Variants in IGF2BP2 observed in about 807,000 individuals in gnomAD.
IGF2BP2 encodes the protein insulin like growth factor 2 mRNA binding protein 2, also known as insulin-like growth factor 2 mRNA-binding protein 2.
In IGF2BP2, 17 loss-of-function variants were observed where a neutral mutation model predicts 75.8. The observed-to-expected ratio is 0.22, with a 90% CI of 0.15 to 0.34. The LOEUF (loss-of-function observed/expected upper bound fraction) is 0.34. IGF2BP2 is among the 10% of genes least tolerant of loss of function. The pLI is 1.00. For missense variants in IGF2BP2, 516 were observed against 772.4 expected, an observed-to-expected ratio of 0.67 and a Z score of 3.93; for synonymous variants, 288 against 295.6, an observed-to-expected ratio of 0.97 and a Z score of 0.26.
intron 7 of IGF2BP2, among the ~76,000 whole-genome samples, chr3:185,679,366 T>A (rs997333621): frequency 2.0e-5 from 3 of 152,158 alleles, no homozygotes; most frequent in African/African-American, 4.8e-5. Flanking sequence ...TTCAATTGCA[T>A]AAAAAACTCT....
chr3:185,823,967 G>A (rs1741699868), intron 1 of IGF2BP2, among the ~76,000 whole-genome samples: 1 of 152,178 alleles, frequency 6.6e-6, no homozygotes, highest in African/African-American at 2.4e-5. Context: ...CCCCCACCGA[G>A]TTGAGACAGG....
intron 2 of IGF2BP2, among the ~76,000 whole-genome samples, chr3:185,793,691 G>A (rs1362272583): frequency 3.9e-5 from 6 of 152,076 alleles, no homozygotes; most frequent in South Asian, 2.1e-4. Flanking sequence ...GAACAGTTAC[G>A]GCCCATCCTG....
At chr3:185,793,538 A>G (rs1301239948) in intron 2 of IGF2BP2, among the ~76,000 whole-genome samples, 1 of 152,216 alleles carries the variant, frequency 6.6e-6, no homozygotes, top group Non-Finnish European at 1.5e-5. Flanking sequence ...ATGAGCCTAC[A>G]TGAAACCTCA....
intron 2 of IGF2BP2, among the ~76,000 whole-genome samples, chr3:185,701,207 G>A (rs1446976830): frequency 6.6e-6 from 1 of 151,784 alleles, no homozygotes; most frequent in Non-Finnish European, 1.5e-5. Context: ...TAAGATTAAA[G>A]GCATGAGCCA....
chr3:185,738,397 G>A (rs1292152342), intron 2 of IGF2BP2, among the ~76,000 whole-genome samples: 1 of 152,154 alleles, frequency 6.6e-6, no homozygotes. Flanking sequence ...GTCCTTCCTT[G>A]AGAACATGAA....
At chr3:185,770,692 A>G (rs1733755629) in intron 2 of IGF2BP2, among the ~76,000 whole-genome samples, 1 of 152,194 alleles carries the variant, frequency 6.6e-6, no homozygotes, top group Non-Finnish European at 1.5e-5. Flanking sequence ...CCCTCTAGGC[A>G]GTCACAGTCA....
chr3:185,665,320 A>AAGGAGCAGAAGGAGAAGG (rs1717207381), intron 10 of IGF2BP2, among the ~76,000 whole-genome samples: 1 of 50,114 alleles, frequency 2.0e-5, no homozygotes, highest in Non-Finnish European at 3.8e-5. Context: ...GCAGAAGGAG[A>AAGGAGCAGAAGGAGAAGG]AGGAGGAGGA....
Position 185,672,720 on chromosome 3 carries a change from C to T in IGF2BP2, c.1072-51G>A, listed in dbSNP as rs377734346. On this transcript the variant is annotated intron_variant, in intron 9 of 15. Transcript: ENST00000382199. ...ATGAAGGGAGGAGACCAGAGAGGCC[C>T]GCACGCCTGGGTCAACCTCCCTCTC... 24 of 1,608,226 alleles carry T rather than the reference C, an allele frequency of 1.5e-5. No individual in the cohort carries two copies. In the African/African-American group the frequency reaches 1.9e-4, roughly 13 times the overall value.
intron 7 of IGF2BP2, among the ~76,000 whole-genome samples, chr3:185,684,215 A>C (rs1271946977): frequency 6.6e-6 from 1 of 152,138 alleles, no homozygotes; most frequent in Non-Finnish European, 1.5e-5. Context: ...AATGAACAAA[A>C]AGAAAGTTTA....
At position 185,710,179 on chromosome 3, in the gene IGF2BP2, A is replaced by C. The variant is rs1048974702; in HGVS notation, c.240-11832T>G. On this transcript the variant is annotated intron_variant, in intron 2 of 15. Coordinates refer to ENST00000382199, the MANE Select transcript of IGF2BP2 (RefSeq NM_006548.6). The stretch of plus-strand genomic sequence containing the variant: ...TTTTTTTTTTTTTTTTTTTTTTGCT[A>C]AAAGTGAACCTAATATCTTTAAATG... Among the ~76,000 whole-genome samples, 52 of 114,262 alleles carry C rather than the reference A, an allele frequency of 4.6e-4. 1 individual carries two copies. Among genetic ancestry groups the C allele is most frequent in the South Asian group, 5.0e-4 (2 of 4,012 alleles). 75.0% of individuals were successfully genotyped at this position (114,262 alleles called of 152,430 possible).
At chr3:185,777,705 G>T (rs953747366) in intron 2 of IGF2BP2, among the ~76,000 whole-genome samples, 8 of 152,180 alleles carry the variant, frequency 5.3e-5, no homozygotes, top group African/African-American at 1.7e-4. Flanking sequence ...TGTTTGCAAA[G>T]CTAAAATTGT....
intron 2 of IGF2BP2, among the ~76,000 whole-genome samples, chr3:185,743,047 C>T (rs1378639913): frequency 6.6e-6 from 1 of 150,652 alleles, no homozygotes; most frequent in Non-Finnish European, 1.5e-5. Flanking sequence ...TGCAGTGAGC[C>T]AAGATCGTGC....
At chr3:185,661,591 T>C (rs1716450119) in intron 10 of IGF2BP2, among the ~76,000 whole-genome samples, 1 of 136,136 alleles carries the variant, frequency 7.3e-6, no homozygotes, top group African/African-American at 2.9e-5. Flanking sequence ...TGAGCCGAGA[T>C]CATGCCACTG....
intron 2 of IGF2BP2, among the ~76,000 whole-genome samples, chr3:185,765,933 G>T (rs1380590024): frequency 6.6e-6 from 1 of 152,224 alleles, no homozygotes; most frequent in African/African-American, 2.4e-5. Context: ...AATGAGGCAG[G>T]TTTACGGAGG....
intron 2 of IGF2BP2, among the ~76,000 whole-genome samples, chr3:185,707,486 T>C (rs969660290): frequency 6.6e-6 from 1 of 151,616 alleles, no homozygotes; most frequent in Non-Finnish European, 1.5e-5. Context: ...TTTTTGTATA[T>C]TTAGTAGAGA....
intron 2 of IGF2BP2, among the ~76,000 whole-genome samples, chr3:185,771,638 G>C (rs2149753220): frequency 6.6e-6 from 1 of 152,172 alleles, no homozygotes; most frequent in South Asian, 2.1e-4. Context: ...CCAAGGCTCT[G>C]GCTGCCGTCG....
At chr3:185,720,244 A>T (rs979720108) in intron 2 of IGF2BP2, among the ~76,000 whole-genome samples, 6 of 152,252 alleles carry the variant, frequency 3.9e-5, no homozygotes, top group Admixed American at 1.3e-4. Flanking sequence ...GTAAATATTT[A>T]AAAAACGGCT....
chr3:185,685,240 C>T (rs1488903191), intron 7 of IGF2BP2, among the ~76,000 whole-genome samples: 3 of 151,554 alleles, frequency 2.0e-5, no homozygotes, highest in Non-Finnish European at 2.9e-5. Flanking sequence ...TCCAGCTGCT[C>T]GGGAGGCTGA....
intron 2 of IGF2BP2, among the ~76,000 whole-genome samples, chr3:185,746,077 A>G (rs960683269): frequency 6.6e-6 from 1 of 152,184 alleles, no homozygotes; most frequent in African/African-American, 2.4e-5. Flanking sequence ...TATTATAAGG[A>G]CCCCAGAGAT....
Sources: gnomAD v4.1 joint callset for allele counts (sites outside exome capture counted in the v4.1 genomes callset) on GRCh38, gnomAD v4.1.1 for gene constraint, MANE v1.5 for transcripts, NCBI Gene and HGNC (gene_info 2026-07-23, HGNC 2026-07-21) for gene names.